Variants in ITK observed in about 807,000 individuals in gnomAD.
The protein encoded by ITK is IL2 inducible T cell kinase.
ITK carries 45 observed loss-of-function variants against 87.6 expected under a neutral mutation model. The ratio of observed to expected loss-of-function variants is 0.51; its 90% CI spans 0.40 to 0.66. The LOEUF is 0.66. ITK is among the 30% of genes least tolerant of loss of function. ITK has a pLI of 0.00. For synonymous variants in ITK, 303 were observed against 273.6 expected, an observed-to-expected ratio of 1.11 and a Z score of -1.06; for missense variants, 605 against 766.3, an observed-to-expected ratio of 0.79 and a Z score of 2.48.
intron 8 of ITK, among the ~76,000 whole-genome samples, chr5:157,235,680 C>T (rs1240184865): frequency 1.3e-5 from 2 of 152,146 alleles, no homozygotes; most frequent in Non-Finnish European, 2.9e-5. Context: ...AAAAGCACCA[C>T]CTCCAGAATG....
At chr5:157,222,796 C>T (rs753043704) in intron 5 of ITK, 67 bp from the exon 6 acceptor site, 42 of 1,519,462 alleles carry the variant, frequency 2.8e-5, no homozygotes, top group Non-Finnish European at 2.7e-5. Context: ...CCAGACACCC[C>T]GATGAAAGGA....
intron 5 of ITK, among the ~76,000 whole-genome samples, chr5:157,220,834 T>G (rs1211920781): frequency 6.6e-6 from 1 of 152,148 alleles, no homozygotes; most frequent in Non-Finnish European, 1.5e-5. Context: ...ATATACACAA[T>G]TTTTTAAAAT....
intron 1 of ITK, among the ~76,000 whole-genome samples, chr5:157,207,377 CTTTTTTTTTT>C (rs536290068): frequency 1.1e-3 from 67 of 59,138 alleles, no homozygotes; most frequent in South Asian, 2.0e-3. Flanking sequence ...AGATACGTCT[CTTTTTTTTTT>C]TTTTTTTTTT....
intron 1 of ITK, among the ~76,000 whole-genome samples, chr5:157,181,888 C>A (rs796793354): frequency 5.3e-5 from 8 of 152,248 alleles, no homozygotes; most frequent in African/African-American, 1.9e-4. Flanking sequence ...CAGGAATAAT[C>A]CTAATAATGT....
chr5:157,196,721 A>G (rs1427161327), intron 1 of ITK, among the ~76,000 whole-genome samples: 2 of 152,210 alleles, frequency 1.3e-5, no homozygotes, highest in Non-Finnish European at 2.9e-5. Flanking sequence ...TATTAATTGA[A>G]CATCGCCTCA....
intron 1 of ITK, among the ~76,000 whole-genome samples, chr5:157,207,745 A>G (rs1275907933): frequency 2.0e-5 from 3 of 152,138 alleles, no homozygotes; most frequent in African/African-American, 4.8e-5. Context: ...TCCCTTGTCT[A>G]TTTGGCACCC....
intron 4 of ITK, 43 bp from the exon 5 acceptor site, chr5:157,217,824 G>T (rs1349085008): frequency 6.3e-7 from 1 of 1,599,862 alleles, no homozygotes. Flanking sequence ...GGGTCCATTA[G>T]TTTTCATGCT....
At chr5:157,203,839 T>C (rs191391812) in intron 1 of ITK, among the ~76,000 whole-genome samples, 4 of 152,322 alleles carry the variant, frequency 2.6e-5, no homozygotes, top group Admixed American at 1.3e-4. Flanking sequence ...TCTAGACTGA[T>C]ATGTAGAGCA....
intron 3 of ITK, among the ~76,000 whole-genome samples, chr5:157,213,104 T>A (rs1754223463): frequency 6.6e-6 from 1 of 152,124 alleles, no homozygotes; most frequent in African/African-American, 2.4e-5. Flanking sequence ...TGACTCACAG[T>A]TCTGTATGGC....
intron 2 of ITK, among the ~76,000 whole-genome samples, chr5:157,210,240 C>A (rs951020932): frequency 6.6e-6 from 1 of 152,116 alleles, no homozygotes; most frequent in African/African-American, 2.4e-5. Context: ...GTATATGAAT[C>A]TTGGCACTTC....
chr5:157,253,301 A>G lies in ITK; in HGVS notation c.*623A>G. The G allele has an allele frequency of 4.1e-6, 1 of 242,656 alleles. No homozygotes were observed. The highest frequency in any genetic ancestry group is 8.2e-6 in the Non-Finnish European group (1 of 121,884). 15.0% of individuals were successfully genotyped at this position (242,656 alleles called of 1,614,324 possible). On this transcript the variant is annotated 3_prime_UTR_variant, in exon 17 of 17. Coordinates refer to ENST00000422843, the MANE Select transcript of ITK (RefSeq NM_005546.4). ...CTGAGAAGCAGCTTTATGAGGTTTT[A>G]CAGAGTATGCTGCTACCTCTCTCCT...
intron 1 of ITK, among the ~76,000 whole-genome samples, chr5:157,191,861 T>C (rs1753759680): frequency 6.6e-6 from 1 of 152,198 alleles, no homozygotes; most frequent in African/African-American, 2.4e-5. Flanking sequence ...GGCTGTCTCA[T>C]TTTTAAAATC....
chr5:157,185,595 C>G (rs1753626077), intron 1 of ITK, among the ~76,000 whole-genome samples: 1 of 149,656 alleles, frequency 6.7e-6, no homozygotes, highest in Admixed American at 6.7e-5. Flanking sequence ...CCTGCAATCC[C>G]AACATTTTGG....
intron 15 of ITK, among the ~76,000 whole-genome samples, chr5:157,248,325 GC>G (rs1755062240): frequency 6.6e-6 from 1 of 152,136 alleles, no homozygotes; most frequent in Non-Finnish European, 1.5e-5. Context: ...AAATAGACAA[GC>G]AAAAGATGTG....
At chr5:157,201,005 T>G (rs1040183082) in intron 1 of ITK, among the ~76,000 whole-genome samples, 1 of 152,198 alleles carries the variant, frequency 6.6e-6, no homozygotes, top group South Asian at 2.1e-4. Context: ...TTTAATATAC[T>G]ACAACCAAGT....
In ITK at chr5:157,240,205, A is replaced by G. The variant is rs2113772313; in HGVS notation, c.985+10A>G. ...CAACATAATGGAGGAGGTAAGCTCT[A>G]GAGCAGGGGTGGACCCGGGCCGCCC... On this transcript the variant is annotated intron_variant, in intron 10 of 16. Coordinates refer to ENST00000422843, the MANE Select transcript of ITK (RefSeq NM_005546.4). 6.2e-7 allele frequency: 1 copy of G among 1,614,110 alleles called. No homozygotes were observed. Among genetic ancestry groups the G allele is most frequent in the Non-Finnish European group, 8.5e-7 (1 of 1,179,968 alleles).
At chr5:157,233,932 C>CATACATATATATATATATATAT (rs1285827435) in intron 8 of ITK, among the ~76,000 whole-genome samples, 1 of 21,514 alleles carries the variant, frequency 4.6e-5, no homozygotes, top group East Asian at 1.6e-3. Flanking sequence ...CTTACTGATA[C>CATACATATATATATATATATAT]ATATATATAT....
intron 7 of ITK, among the ~76,000 whole-genome samples, chr5:157,230,409 C>T (rs1296095858): frequency 1.3e-5 from 2 of 152,018 alleles, no homozygotes; most frequent in African/African-American, 4.8e-5. Flanking sequence ...AATGAGGACA[C>T]CTATTAACGC....
chr5:157,190,566 G>A (rs1368881810), intron 1 of ITK, among the ~76,000 whole-genome samples: 1 of 152,152 alleles, frequency 6.6e-6, no homozygotes, highest in African/African-American at 2.4e-5. Flanking sequence ...TCTAGGGGAT[G>A]GGACAGACAG....
Sources: gnomAD v4.1 joint callset for allele counts (sites outside exome capture counted in the v4.1 genomes callset) on GRCh38, gnomAD v4.1.1 for gene constraint, MANE v1.5 for transcripts, NCBI Gene and HGNC (gene_info 2026-07-23, HGNC 2026-07-21) for gene names.